The following DOCK9 variants were observed in gnomAD, a reference collection of about 807,000 sequenced individuals.
DOCK9 encodes the protein dedicator of cytokinesis protein 9.
DOCK9 carries 89 observed loss-of-function variants against 263.3 expected under a neutral mutation model. The observed-to-expected ratio is 0.34, with a 90% CI of 0.28 to 0.40. DOCK9 has a LOEUF of 0.40. DOCK9 is among the 10% of genes least tolerant of loss of function. The pLI is 1.00. For missense variants in DOCK9, 2,140 were observed against 2,603.4 expected, an observed-to-expected ratio of 0.82 and a Z score of 3.87; for synonymous variants, 976 against 973.1, an observed-to-expected ratio of 1.00 and a Z score of -0.06.
chr13:98,942,220 G>GTTTTT (rs60412646), intron 2 of DOCK9, among the ~76,000 whole-genome samples: 23 of 132,420 alleles, frequency 1.7e-4, no homozygotes, highest in South Asian at 7.6e-4. Context: ...CTCTGGTTAT[G>GTTTTT]TTTTTTTTTT....
intron 52 of DOCK9, chr13:98,796,123 G>A: frequency 9.6e-7 from 1 of 1,044,706 alleles, no homozygotes; most frequent in African/African-American, 1.6e-5. Context: ...TTATGCCAAT[G>A]TCTGTAGTTG....
Position 98,797,474 on chromosome 13 carries a change from G to A in DOCK9, c.5932C>T (p.Leu1978=), listed in dbSNP as rs2139816218. 1 of 1,611,670 alleles carries A rather than the reference G, an allele frequency of 6.2e-7. No individual in the cohort carries two copies. The highest frequency in any genetic ancestry group is 2.2e-5 in the East Asian group (1 of 44,856). ...TCTAAGAAAGCTCGCGCATATGCTAGTGGGCCAGCATTGACCTAGACAAAG... is the reference window on the plus strand; with the variant it reads ...TCTAAGAAAGCTCGCGCATATGCTAATGGGCCAGCATTGACCTAGACAAAG... ...SVSVQVNAGP[L]AYARAFLDDT... is the part of the protein sequence containing the mutation. The change falls in exon 51 of 53, where the codon CTA becomes TTA. Residue 1978 remains leucine (L), a synonymous_variant. Transcript: ENST00000682017.
intron 38 of DOCK9, among the ~76,000 whole-genome samples, chr13:98,843,121 T>C (rs1183419664): frequency 6.6e-6 from 1 of 152,122 alleles, no homozygotes; most frequent in Admixed American, 6.5e-5. Flanking sequence ...TCTACAGAAA[T>C]AGCGGAAATG....
At chr13:99,048,068 C>G (rs1385525082) in intron 1 of DOCK9, among the ~76,000 whole-genome samples, 1 of 152,206 alleles carries the variant, frequency 6.6e-6, no homozygotes, top group Admixed American at 6.5e-5. Context: ...AATCACGAAT[C>G]AAACACTGAT....
At chr13:98,845,510 G>T (rs1307440674) in intron 38 of DOCK9, 2 of 452,894 alleles carry the variant, frequency 4.4e-6, no homozygotes, top group African/African-American at 2.1e-5. Context: ...GTGGACGCTT[G>T]ATCAATTACA....
At chr13:99,044,411 A>G (rs1888759562) in intron 1 of DOCK9, among the ~76,000 whole-genome samples, 1 of 152,194 alleles carries the variant, frequency 6.6e-6, no homozygotes, top group East Asian at 1.9e-4. Flanking sequence ...GAAGCAGCAG[A>G]TGCTTCCTAT....
At chr13:98,835,730 ACT>A (rs2092966743) in intron 39 of DOCK9, among the ~76,000 whole-genome samples, 1 of 127,770 alleles carries the variant, frequency 7.8e-6, no homozygotes, top group African/African-American at 3.0e-5. Flanking sequence ...CTTCTTTACA[ACT>A]CTTTTTTTTT....
intron 1 of DOCK9, among the ~76,000 whole-genome samples, chr13:99,038,195 G>GAAT (rs1888086812): frequency 6.8e-6 from 1 of 147,306 alleles, no homozygotes; most frequent in South Asian, 2.2e-4. Flanking sequence ...GTTTTAGCTT[G>GAAT]AATCTATTCA....
At chr13:98,800,190 G>C (rs1340954890) in intron 50 of DOCK9, 98 bp downstream of exon 50, 14 of 1,283,152 alleles carry the variant, frequency 1.1e-5, no homozygotes, top group Admixed American at 2.6e-5. Flanking sequence ...TTGGTAAACC[G>C]AGGCTCTCAA....
chr13:98,831,310 CA>C (rs2092753503), intron 41 of DOCK9, 37 bp downstream of exon 41: 1 of 1,562,176 alleles, frequency 6.4e-7, no homozygotes. Context: ...CAGGATTCTA[CA>C]GAGTAAATCT....
chr13:99,064,894 A>G (rs535449431), intron 1 of DOCK9, among the ~76,000 whole-genome samples: 111 of 152,250 alleles, frequency 7.3e-4, no homozygotes, highest in Admixed American at 1.6e-3. Context: ...GCTCACTGCT[A>G]ATCCATTCCT....
rs765956542 is a variant in DOCK9, at chr13:98,897,508, C to T, written c.1689G>A (p.Lys563=). 3.7e-6 allele frequency: 6 copies of T among 1,613,754 alleles called. No individual in the cohort carries two copies. Among genetic ancestry groups the T allele is most frequent in the Non-Finnish European group, 5.1e-6 (6 of 1,179,818 alleles). The change falls in exon 15 of 53, where the codon AAG becomes AAA. Residue 563 remains lysine (K), a synonymous_variant. Coordinates refer to ENST00000682017, the MANE Select transcript of DOCK9 (RefSeq NM_001366683.2). ...SNKLSNDDML[K]LLADFRKPEK... ...CTCACTTCCGAAAGTCTGCAAGTAA[C>T]TTGAGCATGTCATCATTGGATAGCT...
intron 27 of DOCK9, among the ~76,000 whole-genome samples, chr13:98,873,653 G>A (rs2094248451): frequency 6.6e-6 from 1 of 152,212 alleles, no homozygotes; most frequent in Admixed American, 6.5e-5. Flanking sequence ...CATGGATGTG[G>A]TGGTGAACCC....
intron 33 of DOCK9, chr13:98,857,926 T>C (rs750506503): frequency 6.6e-6 from 1 of 152,210 alleles, no homozygotes; most frequent in Non-Finnish European, 1.5e-5. Flanking sequence ...ATAATTTTTC[T>C]AATATAATCA....
intron 49 of DOCK9, among the ~76,000 whole-genome samples, chr13:98,802,089 AG>A (rs201344422): frequency 5.8e-3 from 888 of 152,272 alleles, no homozygotes; most frequent in Non-Finnish European, 8.8e-3. Context: ...GTATTTGGAC[AG>A]GGGGCTGTGC....
At chr13:99,061,746 C>T (rs1362762512) in intron 1 of DOCK9, among the ~76,000 whole-genome samples, 2 of 152,112 alleles carry the variant, frequency 1.3e-5, no homozygotes, top group African/African-American at 2.4e-5. Context: ...TCTCATTTTC[C>T]ACCTCCATGC....
chr13:98,816,033 C>T lies in DOCK9; in HGVS notation c.5131-5742G>A, dbSNP rs377228637. Among the ~76,000 whole-genome samples, 222 of 152,314 alleles carry T rather than the reference C, an allele frequency of 1.5e-3. 10 individuals carry two copies. In the South Asian group the frequency reaches 0.043, roughly 29 times the overall value. On this transcript the variant is annotated intron_variant, in intron 45 of 52. Coordinates refer to ENST00000682017, the MANE Select transcript of DOCK9 (RefSeq NM_001366683.2). ...CAACTATGTGTCCTCACCACCACAT[C>T]ATTGAGTCATCCACCTATTGTATCA...
At chr13:98,920,238 G>A (rs1182113662) in intron 7 of DOCK9, among the ~76,000 whole-genome samples, 1 of 152,192 alleles carries the variant, frequency 6.6e-6, no homozygotes, top group African/African-American at 2.4e-5. Flanking sequence ...ACATTCATGT[G>A]TTATCTTTAA....
At chr13:98,883,667 A>C in intron 22 of DOCK9, 146 bp downstream of exon 22, 2 of 562,256 alleles carry the variant, frequency 3.6e-6, no homozygotes, top group Non-Finnish European at 6.2e-6. Flanking sequence ...ACATATAAGC[A>C]CTTCAGTTGT....
Sources: allele counts gnomAD v4.1 joint callset (sites outside exome capture counted in the v4.1 genomes callset), GRCh38; gene constraint gnomAD v4.1.1; transcripts MANE v1.5; gene names NCBI Gene and HGNC (gene_info 2026-07-23, HGNC 2026-07-21).